The following TMOD3 variants were observed in gnomAD, a reference collection of about 807,000 sequenced individuals.
TMOD3 encodes tropomodulin-3.
Under a neutral mutation model 39.2 loss-of-function variants are expected in TMOD3, and 20 were observed. The ratio of observed to expected loss-of-function variants is 0.51; its 90% confidence interval spans 0.36 to 0.74. TMOD3 has a LOEUF of 0.74. TMOD3 is among the 30% of genes least tolerant of loss of function. The probability of loss-of-function intolerance (pLI) is 0.00; values close to 1 mark genes in which losing one functional copy is unlikely to be tolerated. For synonymous variants in TMOD3, 143 were observed against 145.8 expected (o/e 0.98, Z 0.14); for missense variants, 381 against 412.8 (o/e 0.92, Z 0.67).
At chr15:51,888,604 AT>A (rs1162043010) in intron 4 of TMOD3, among the ~76,000 whole-genome samples, 2 of 152,250 alleles carry the variant, frequency 1.3e-5, no homozygotes, top group African/African-American at 4.8e-5. Flanking sequence ...ATACTTTAGT[AT>A]TCTACTCTTA....
chr15:51,903,844 T>C (rs757797220), intron 9 of TMOD3, among the ~76,000 whole-genome samples: 4 of 152,222 alleles, frequency 2.6e-5, no homozygotes, highest in South Asian at 2.1e-4. Context: ...CCCAAAAAGA[T>C]GGTTGACCAG....
chr15:51,890,519 G>A (rs2056587312), intron 5 of TMOD3, among the ~76,000 whole-genome samples: 2 of 151,958 alleles, frequency 1.3e-5, no homozygotes, highest in African/African-American at 4.8e-5. Flanking sequence ...TGTGTGCACA[G>A]CTCTTGGACG....
chr15:51,847,803 C>T (rs2056343035), intron 1 of TMOD3, among the ~76,000 whole-genome samples: 1 of 151,422 alleles, frequency 6.6e-6, no homozygotes, highest in African/African-American at 2.4e-5. Flanking sequence ...ATAAAATGGG[C>T]ATTTTTTAGA....
intron 1 of TMOD3, among the ~76,000 whole-genome samples, chr15:51,831,131 C>T (rs772875464): frequency 2.0e-5 from 3 of 152,162 alleles, no homozygotes; most frequent in Non-Finnish European, 4.4e-5. Context: ...TGGCGATATG[C>T]ATTCCAAGTC....
intron 3 of TMOD3, among the ~76,000 whole-genome samples, chr15:51,870,443 T>C (rs2056469462): frequency 6.6e-6 from 1 of 152,224 alleles, no homozygotes; most frequent in African/African-American, 2.4e-5. Context: ...GGCACCATTT[T>C]TATGTCTGAA....
intron 9 of TMOD3, among the ~76,000 whole-genome samples, chr15:51,907,756 C>T (rs961496829): frequency 2.0e-5 from 3 of 152,214 alleles, no homozygotes; most frequent in African/African-American, 7.2e-5. Flanking sequence ...TCTCTAGTGG[C>T]TGATAGGTGA....
chr15:51,900,585 A>G (rs879789455), intron 8 of TMOD3, among the ~76,000 whole-genome samples: 4 of 152,166 alleles, frequency 2.6e-5, no homozygotes, highest in East Asian at 3.9e-4. Context: ...CCACCTTCCA[A>G]TTTTTCAGCT....
chr15:51,850,279 A>G (rs2141675144), intron 1 of TMOD3, among the ~76,000 whole-genome samples: 1 of 152,282 alleles, frequency 6.6e-6, no homozygotes. Context: ...GTATAAATGT[A>G]TACTGGAACC....
At chr15:51,895,824 G>A (rs2056617863) in intron 6 of TMOD3, among the ~76,000 whole-genome samples, 1 of 152,090 alleles carries the variant, frequency 6.6e-6, no homozygotes, top group Non-Finnish European at 1.5e-5. Context: ...AAAGAATAAT[G>A]AAGGCTGGGT....
At chr15:51,890,834 C>G (rs971726616) in intron 5 of TMOD3, among the ~76,000 whole-genome samples, 7 of 152,182 alleles carry the variant, frequency 4.6e-5, no homozygotes, top group Non-Finnish European at 1.0e-4. Context: ...TTCAAACACA[C>G]ATAGAAGAAG....
At chr15:51,892,725 G>A (rs963565932) in intron 5 of TMOD3, among the ~76,000 whole-genome samples, 5 of 152,130 alleles carry the variant, frequency 3.3e-5, no homozygotes, top group Admixed American at 2.6e-4. Context: ...ATTTCTTTAA[G>A]TCTGTGATTC....
chr15:51,863,253 C>T (rs931947765), intron 2 of TMOD3, among the ~76,000 whole-genome samples: 4 of 152,058 alleles, frequency 2.6e-5, no homozygotes, highest in African/African-American at 9.7e-5. Flanking sequence ...AAATTTTTTC[C>T]TCCTCTAAGA....
intron 9 of TMOD3, among the ~76,000 whole-genome samples, chr15:51,904,116 A>G (rs1334655440): frequency 6.6e-6 from 1 of 152,248 alleles, no homozygotes. Context: ...TTTCACACTC[A>G]GAAACCCTGG....
At position 51,908,973 on chromosome 15, in the gene TMOD3, G is replaced by T; in HGVS notation, c.*163G>T. The T allele has an allele frequency of 2.2e-6, 1 of 445,780 alleles. No homozygotes were observed. 27.6% of individuals were successfully genotyped at this position (445,780 alleles called of 1,614,324 possible). The stretch of plus-strand genomic sequence containing the variant: ...GTTATCAAATTGTAAAATCAGTAAT[G>T]TGATATTTTATATTCTGAAACATTT... On this transcript the variant is annotated 3_prime_UTR_variant, in exon 10 of 10. Coordinates refer to ENST00000308580, the MANE Select transcript of TMOD3 (RefSeq NM_014547.5).
rs1369047703 is a variant in TMOD3 at position 51,909,141 on chromosome 15, A to C, written c.*331A>C. The stretch of plus-strand genomic sequence containing the variant: ...CATTGTGAGGACCAATCTTTTTTAA[A>C]TCAAAAGGGATGTTGCTGGTATCAG... On this transcript the variant is annotated 3_prime_UTR_variant, in exon 10 of 10. Coordinates refer to ENST00000308580, the MANE Select transcript of TMOD3 (RefSeq NM_014547.5). The C allele has an allele frequency of 4.5e-5, 9 of 200,808 alleles. No homozygotes were observed. Among genetic ancestry groups the C allele is most frequent in the Non-Finnish European group, 9.0e-5 (9 of 100,420 alleles). The allele number at this position is 200,808 out of a possible 1,614,324, so 12.4% of individuals were successfully genotyped here.
chr15:51,845,016 A>G (rs2056328845), intron 1 of TMOD3, among the ~76,000 whole-genome samples: 1 of 152,232 alleles, frequency 6.6e-6, no homozygotes, highest in Admixed American at 6.5e-5. Context: ...CATATCTAGC[A>G]TGATTCAGCT....
intron 3 of TMOD3, among the ~76,000 whole-genome samples, chr15:51,884,223 G>C (rs1403734123): frequency 6.6e-6 from 1 of 152,220 alleles, no homozygotes; most frequent in Non-Finnish European, 1.5e-5. Flanking sequence ...CCATTGGACT[G>C]AAGGTGATCA....
intron 1 of TMOD3, among the ~76,000 whole-genome samples, chr15:51,842,636 G>A (rs1254502752): frequency 6.6e-6 from 1 of 152,088 alleles, no homozygotes; most frequent in Admixed American, 6.6e-5. Context: ...AGGTAGTGGG[G>A]CAGTGTCATT....
intron 1 of TMOD3, among the ~76,000 whole-genome samples, chr15:51,854,371 G>C (rs573843262): frequency 6.6e-6 from 1 of 152,300 alleles, no homozygotes; most frequent in East Asian, 1.9e-4. Context: ...CCTGTTGTGG[G>C]TAATATGAGT....
Sources: allele counts gnomAD v4.1 joint callset (sites outside exome capture counted in the v4.1 genomes callset), GRCh38; gene constraint gnomAD v4.1.1; transcripts MANE v1.5; gene names NCBI Gene and HGNC (gene_info 2026-07-23, HGNC 2026-07-21).